Variants in SSH2 observed in about 807,000 individuals in gnomAD.
SSH2 encodes slingshot protein phosphatase 2.
A neutral mutation model predicts 135.2 loss-of-function variants in SSH2; 37 were observed. The ratio of observed to expected loss-of-function variants is 0.27; its 90% CI spans 0.21 to 0.36. SSH2 has a LOEUF of 0.36. Ranked by LOEUF, SSH2 falls within the 10% of genes least tolerant of loss-of-function variation. The pLI is 1.00. For missense variants in SSH2, 1,408 were observed against 1,765.3 expected (o/e 0.80, Z 3.63); for synonymous variants, 628 against 646.2 (o/e 0.97, Z 0.43).
At chr17:29,680,575 A>AAAAAAAAAAAC (rs1459877822) in intron 6 of SSH2, among the ~76,000 whole-genome samples, 1 of 147,488 alleles carries the variant, frequency 6.8e-6, no homozygotes, top group East Asian at 2.2e-4. Context: ...AAAAAAAAAA[A>AAAAAAAAAAAC]AAAAAGAGTG....
chr17:29,769,656 A>G (rs146184860), intron 3 of SSH2, among the ~76,000 whole-genome samples: 29 of 152,322 alleles, frequency 1.9e-4, no homozygotes, highest in African/African-American at 7.0e-4. Flanking sequence ...AAATAAGCCT[A>G]CTAGCTGGGC....
At chr17:29,827,222 T>C (rs1360611219) in intron 2 of SSH2, among the ~76,000 whole-genome samples, 2 of 152,218 alleles carry the variant, frequency 1.3e-5, no homozygotes, top group African/African-American at 2.4e-5. Flanking sequence ...AAATTCCCTC[T>C]TGCAGAATGA....
intron 2 of SSH2, among the ~76,000 whole-genome samples, chr17:29,833,931 CCCTCCCTCCCTG>C (rs1036150088): frequency 4.8e-5 from 6 of 124,908 alleles, no homozygotes; most frequent in Non-Finnish European, 1.0e-4. Context: ...CTCCTTCCCT[CCCTCCCTCCCTG>C]CCTCCTTCCC....
At chr17:29,848,291 T>C (rs1485619432) in intron 2 of SSH2, among the ~76,000 whole-genome samples, 1 of 152,234 alleles carries the variant, frequency 6.6e-6, no homozygotes, top group Non-Finnish European at 1.5e-5. Context: ...GGAGGTCAGA[T>C]GGGATAAGTA....
chr17:29,915,428 C>T (rs2066863761), intron 1 of SSH2, among the ~76,000 whole-genome samples: 1 of 152,180 alleles, frequency 6.6e-6, no homozygotes, highest in Non-Finnish European at 1.5e-5. Flanking sequence ...CATGAATACA[C>T]TCAGTGTCTT....
At chr17:29,920,315 TGA>T (rs1255477430) in intron 1 of SSH2, among the ~76,000 whole-genome samples, 1 of 152,256 alleles carries the variant, frequency 6.6e-6, no homozygotes. Context: ...ATAGGAAAGA[TGA>T]GAAACCTGAA....
At chr17:29,815,436 T>G (rs985591244) in intron 2 of SSH2, among the ~76,000 whole-genome samples, 2 of 152,082 alleles carry the variant, frequency 1.3e-5, no homozygotes, top group Non-Finnish European at 2.9e-5. Context: ...TTTTTTGTAT[T>G]TTTTAGTAGA....
intron 3 of SSH2, among the ~76,000 whole-genome samples, chr17:29,759,029 C>A (rs1251712244): frequency 1.3e-5 from 2 of 151,942 alleles, no homozygotes; most frequent in Non-Finnish European, 2.9e-5. Flanking sequence ...CAGATATAAG[C>A]CACTGTGCCT....
chr17:29,834,851 T>C (rs2042917069), intron 2 of SSH2, among the ~76,000 whole-genome samples: 2 of 152,212 alleles, frequency 1.3e-5, no homozygotes, highest in African/African-American at 4.8e-5. Flanking sequence ...TTTTTCACTT[T>C]AATGGCTTCA....
rs563199156 is a variant in SSH2, at chr17:29,790,982, C to G, written c.188+2912G>C. 1.2e-4 allele frequency among the ~76,000 whole-genome samples: 19 copies of G among 152,200 alleles called. No individual in the cohort carries two copies. In the East Asian group the frequency reaches 3.5e-3, roughly 28 times the overall value. Reference sequence around the variant, plus strand: ...GACCTCAGGTGATCCACCCACATGGCCTCCCAAAGTGCTGGGATTACAGGT... The same window carrying G: ...GACCTCAGGTGATCCACCCACATGGGCTCCCAAAGTGCTGGGATTACAGGT... On this transcript the variant is annotated intron_variant, in intron 3 of 15. Coordinates refer to ENST00000540801, the MANE Select transcript of SSH2 (RefSeq NM_001282129.2).
At chr17:29,841,395 C>G (rs1411798125) in intron 2 of SSH2, among the ~76,000 whole-genome samples, 1 of 152,118 alleles carries the variant, frequency 6.6e-6, no homozygotes. Flanking sequence ...AAGAATAAGT[C>G]TTTATACCCT....
chr17:29,680,947 C>T lies in SSH2; in HGVS notation c.480-3206G>A, dbSNP rs542796593. On this transcript the variant is annotated intron_variant, in intron 6 of 15. Coordinates refer to ENST00000540801, the MANE Select transcript of SSH2 (RefSeq NM_001282129.2). The stretch of plus-strand genomic sequence containing the variant: ...GCTGCAAAAGAGTGTGATCTATAAG[C>T]TTGTGACCAGATTTTGGTTAACCTT... Among the ~76,000 whole-genome samples the T allele has an allele frequency of 3.3e-5, 5 of 152,108 alleles. No homozygotes were observed. The South Asian group carries it at 8.3e-4, about 25-fold the overall frequency.
intron 14 of SSH2, chr17:29,643,122 A>T (rs1363491095): frequency 5.1e-6 from 5 of 985,376 alleles, no homozygotes; most frequent in Non-Finnish European, 6.0e-6. Flanking sequence ...GGCTTGATAG[A>T]GCTTCATACA....
intron 8 of SSH2, chr17:29,675,868 ACT>A (rs2037693282): frequency 6.6e-6 from 1 of 151,928 alleles, no homozygotes. Context: ...TGTAAGAAAT[ACT>A]CTCAGGGCAG....
chr17:29,843,080 G>A (rs1437133120), intron 2 of SSH2, among the ~76,000 whole-genome samples: 1 of 152,200 alleles, frequency 6.6e-6, no homozygotes, highest in Non-Finnish European at 1.5e-5. Context: ...CAGAAACGAA[G>A]AGAGTAAATA....
chr17:29,699,544 T>C (rs1315771182), intron 4 of SSH2, among the ~76,000 whole-genome samples: 1 of 152,172 alleles, frequency 6.6e-6, no homozygotes, highest in Non-Finnish European at 1.5e-5. Context: ...TGCTTTTCTT[T>C]TTAGTATGAG....
chr17:29,710,357 AGCAG>A (rs1254120713), intron 3 of SSH2, among the ~76,000 whole-genome samples: 1 of 152,242 alleles, frequency 6.6e-6, no homozygotes, highest in African/African-American at 2.4e-5. Flanking sequence ...AGCCAAAATT[AGCAG>A]GCAAATTATT....
chr17:29,707,909 A>G (rs1567901835), intron 3 of SSH2, among the ~76,000 whole-genome samples: 1 of 152,088 alleles, frequency 6.6e-6, no homozygotes, highest in African/African-American at 2.4e-5. Context: ...GGTACAATCA[A>G]TCCTCTTTAT....
intron 1 of SSH2, among the ~76,000 whole-genome samples, chr17:29,868,297 T>C (rs985360812): frequency 2.0e-5 from 3 of 152,086 alleles, no homozygotes; most frequent in African/African-American, 7.2e-5. Context: ...CATAAAATTG[T>C]TAAAGATGAG....
Sources: gnomAD v4.1 joint callset for allele counts (sites outside exome capture counted in the v4.1 genomes callset) on GRCh38, gnomAD v4.1.1 for gene constraint, MANE v1.5 for transcripts, NCBI Gene and HGNC (gene_info 2026-07-23, HGNC 2026-07-21) for gene names.